Variants in MTR observed in about 807,000 individuals in gnomAD.
MTR encodes the protein methionine synthase.
Under a neutral mutation model 154.8 loss-of-function variants are expected in MTR, and 84 were observed. The observed-to-expected ratio is 0.54, with a 90% confidence interval of 0.45 to 0.65. The LOEUF (loss-of-function observed/expected upper bound fraction) is 0.65, where lower values mean the gene tolerates loss of function less well. Ranked by LOEUF, MTR falls within the 30% of genes least tolerant of loss-of-function variation. MTR has a pLI of 0.00. For missense variants in MTR, 1,275 were observed against 1,570.2 expected (o/e 0.81, Z 3.18); for synonymous variants, 554 against 553.9 (o/e 1.00, Z 0.00).
rs59710180 is a variant in MTR, at chr1:236,823,796, CTTTTTTTTTTTTTTTT to C, written c.765-305_765-290del. On this transcript the variant is annotated intron_variant, in intron 8 of 32. Transcript: ENST00000366577. Reference sequence around the variant, plus strand: ...TTTAAATTTTGCTTTCAGGTCAGATCTTTTTTTTTTTTTTTTTTTTTTTTTTTTTTTTTAGCAGTGT... The same window carrying C: ...TTTAAATTTTGCTTTCAGGTCAGATCTTTTTTTTTTTTTTTTTAGCAGTGT... Among the ~76,000 whole-genome samples, 236 of 18,448 alleles carry C rather than the reference CTTTTTTTTTTTTTTTT, an allele frequency of 0.013. 10 individuals carry two copies. The Middle Eastern group carries it at 0.26, about 20-fold the overall frequency. 12.1% of individuals were successfully genotyped at this position (18,448 alleles called of 152,430 possible).
chr1:236,799,038 G>C (rs1401886674), intron 1 of MTR, among the ~76,000 whole-genome samples: 1 of 152,112 alleles, frequency 6.6e-6, no homozygotes, highest in East Asian at 1.9e-4. Flanking sequence ...TTTTCTGAAG[G>C]AAGACTTCTT....
chr1:236,811,863 A>G (rs973638529), intron 5 of MTR, among the ~76,000 whole-genome samples: 3 of 152,198 alleles, frequency 2.0e-5, no homozygotes, highest in Non-Finnish European at 4.4e-5. Flanking sequence ...GTCTCAGTCA[A>G]AGTTGCAATT....
intron 15 of MTR, among the ~76,000 whole-genome samples, chr1:236,845,112 C>A (rs1013234856): frequency 6.6e-6 from 1 of 152,194 alleles, no homozygotes; most frequent in East Asian, 1.9e-4. Flanking sequence ...AGTGTCATAT[C>A]TAGGACATGG....
At chr1:236,871,259 C>A (rs1021752951) in intron 22 of MTR, among the ~76,000 whole-genome samples, 1 of 151,978 alleles carries the variant, frequency 6.6e-6, no homozygotes, top group African/African-American at 2.4e-5. Flanking sequence ...TGAAAAGGCT[C>A]CCCTGGTGAT....
chr1:236,851,236 A>G (rs566113251), intron 16 of MTR, among the ~76,000 whole-genome samples: 45 of 152,186 alleles, frequency 3.0e-4, no homozygotes, highest in Non-Finnish European at 4.9e-4. Flanking sequence ...GAGGGCAAAC[A>G]TGGCAGTGAC....
chr1:236,872,404 G>A (rs1665186128), intron 22 of MTR, among the ~76,000 whole-genome samples: 1 of 152,096 alleles, frequency 6.6e-6, no homozygotes, highest in Non-Finnish European at 1.5e-5. Flanking sequence ...CTTGCGTTAA[G>A]TAATCAGAGT....
chr1:236,800,550 A>G (rs1373908826), intron 1 of MTR: 8 of 915,352 alleles, frequency 8.7e-6, no homozygotes, highest in Non-Finnish European at 1.0e-5. Flanking sequence ...TTCACTGAGT[A>G]TTTTCTTCTT....
rs565935347 is a variant in MTR, at chr1:236,861,190, A to G, written c.2109A>G (p.Arg703=). Residue 703 remains arginine, a synonymous_variant, in exon 20 of 33, where the codon CGA becomes CGG. Transcript: ENST00000366577. The part of the protein sequence containing the change: ...EARLNQKKYP[R]PLNIIEGPLM... ...GGTTAAACCAAAAAAAATATCCCCG[A>G]CCTCTCAATATAATTGAAGGACCCC... 6.8e-6 allele frequency: 11 copies of G among 1,611,212 alleles called. No homozygotes were observed. The South Asian group carries it at 8.8e-5, about 13-fold the overall frequency.
chr1:236,826,758 AT>A, intron 10 of MTR, 70 bp from the exon 11 acceptor site: 1 of 1,235,718 alleles, frequency 8.1e-7, no homozygotes, highest in South Asian at 1.2e-5. Flanking sequence ...GACGGCTTTT[AT>A]GTTGAATTGG....
chr1:236,897,765 T>A lies in MTR; in HGVS notation c.*121T>A, dbSNP rs1187068801. On this transcript the variant is annotated 3_prime_UTR_variant, in exon 33 of 33. Coordinates refer to ENST00000366577, the MANE Select transcript of MTR (RefSeq NM_000254.3). The stretch of plus-strand genomic sequence containing the variant: ...CATCTGGCTGACACTTACCTGCTTC[T>A]GGTTTTCGAAGACTATTTAGTGGAA... 3.5e-6 allele frequency: 3 copies of A among 855,746 alleles called. No homozygotes were observed. Among genetic ancestry groups the A allele is most frequent in the Non-Finnish European group, 3.8e-6 (2 of 526,996 alleles). The allele number at this position is 855,746 out of a possible 1,614,324, so 53.0% of individuals were successfully genotyped here. A position where few individuals can be genotyped will look rare whatever the true frequency, so the allele number is the denominator to read the frequency against.
In MTR at chr1:236,874,854, A is replaced by G; in HGVS notation, c.2594+8A>G. 1 of 1,613,726 alleles carries G rather than the reference A, an allele frequency of 6.2e-7. No individual in the cohort carries two copies. Among genetic ancestry groups the G allele is most frequent in the Non-Finnish European group, 8.5e-7 (1 of 1,179,738 alleles). ...AGGAGCAACCACTTCAAAGTAAGTT[A>G]TACTAATGAGCTTTGTCCTCACTTC... On this transcript the variant is annotated splice_region_variant and intron_variant, in intron 24 of 32. Transcript: ENST00000366577.
Position 236,896,147 on chromosome 1 carries a change from C to T in MTR, c.3598+597C>T, listed in dbSNP as rs572513988. ...AGACAAAGGCCCAGACACCCGGCCT[C>T]AGCGTCCTGTGCCCAGAGCTGACTT... On this transcript the variant is annotated intron_variant, in intron 31 of 32. Coordinates refer to ENST00000366577, the MANE Select transcript of MTR (RefSeq NM_000254.3). Among the ~76,000 whole-genome samples the T allele has an allele frequency of 5.9e-5, 9 of 152,338 alleles. No individual in the cohort carries two copies. In the South Asian group the frequency reaches 1.7e-3, roughly 28 times the overall value.
rs1666664682 is a variant in MTR at position 236,897,055 on chromosome 1, A to G, written c.3648A>G (p.Ser1216=). 1 of 1,614,132 alleles carries G rather than the reference A, an allele frequency of 6.2e-7. No homozygotes were observed. Among genetic ancestry groups the G allele is most frequent in the Non-Finnish European group, 8.5e-7 (1 of 1,179,988 alleles). The change falls in exon 32 of 33, where the codon TCA becomes TCG. Residue 1216 remains serine, a synonymous_variant. Transcript: ENST00000366577. The part of the protein sequence containing the change: ...SLAMAPASAV[S]GLYFSNLKSK... ...CAATGGCACCTGCTTCAGCAGTCTC[A>G]GGCCTCTACTTCTCCAATTTGAAGT...
chr1:236,802,465 G>C (rs1296200199), intron 1 of MTR, among the ~76,000 whole-genome samples: 1 of 152,060 alleles, frequency 6.6e-6, no homozygotes, highest in East Asian at 1.9e-4. Context: ...GTGGAACTGT[G>C]GGAGTGGGAA....
intron 19 of MTR, among the ~76,000 whole-genome samples, chr1:236,860,847 ATTTAC>A (rs1476723498): frequency 2.0e-5 from 3 of 152,138 alleles, no homozygotes; most frequent in African/African-American, 7.2e-5. Flanking sequence ...TGTATGAGGT[ATTTAC>A]TTTGTTTGTA....
chr1:236,885,285 A>G (rs928237660), intron 26 of MTR, 66 bp downstream of exon 26: 1 of 1,021,332 alleles, frequency 9.8e-7, no homozygotes, highest in Admixed American at 1.7e-5. Context: ...CTAGTTTTTA[A>G]TGTGACTTTT....
chr1:236,796,242 A>G (rs1055752512), intron 1 of MTR, among the ~76,000 whole-genome samples: 37 of 152,248 alleles, frequency 2.4e-4, no homozygotes, highest in African/African-American at 8.9e-4. Flanking sequence ...CAATATGCAT[A>G]GACTCACTAT....
chr1:236,839,974 C>T (rs1342882132), intron 15 of MTR, among the ~76,000 whole-genome samples: 1 of 152,028 alleles, frequency 6.6e-6, no homozygotes. Flanking sequence ...TCTGCATAAG[C>T]AGAGAAAAGA....
At chr1:236,801,538 A>G (rs1333514531) in intron 1 of MTR, among the ~76,000 whole-genome samples, 2 of 152,210 alleles carry the variant, frequency 1.3e-5, no homozygotes, top group Non-Finnish European at 2.9e-5. Context: ...CCAGCTTACA[A>G]ATATTCTTAC....
Sources: gnomAD v4.1 joint callset for allele counts (sites outside exome capture counted in the v4.1 genomes callset) on GRCh38, gnomAD v4.1.1 for gene constraint, MANE v1.5 for transcripts, NCBI Gene and HGNC (gene_info 2026-07-23, HGNC 2026-07-21) for gene names.